Variants in ALS2 observed in about 807,000 individuals in gnomAD.
ALS2 encodes alsin.
ALS2 carries 117 observed loss-of-function variants against 203.4 expected under a neutral mutation model. The observed-to-expected ratio is 0.58, with a 90% CI of 0.50 to 0.67. ALS2 has a LOEUF of 0.67. ALS2 is among the 30% of genes least tolerant of loss of function. The probability of loss-of-function intolerance (pLI) is 0.00; values close to 1 mark genes in which losing one functional copy is unlikely to be tolerated. For synonymous variants in ALS2, 718 were observed against 725.9 expected (o/e 0.99, Z 0.17); for missense variants, 1,715 against 1,989.4 (o/e 0.86, Z 2.62).
Position 201,761,431 on chromosome 2 carries a change from G to A in ALS2, c.563C>T (p.Pro188Leu). ...TTCTACCTTTTGCGGCTTTGTCACT[G>A]GGAAGGCAGTGGTAATGAGACCCAA... is the stretch of plus-strand genomic sequence containing the variant. ...CQLGLITTAF[P>L]VTKPQKVEHL... is the part of the protein sequence containing the mutation. The change falls in exon 4 of 34, where the codon CCA becomes CTA. Residue 188 changes from proline (P) to leucine (L), a missense_variant. By Grantham distance (98) the Pro-to-Leu change is moderately conservative (BLOSUM62 -3). Coordinates refer to ENST00000264276, the MANE Select transcript of ALS2 (RefSeq NM_020919.4). The A allele has an allele frequency of 6.2e-7, 1 of 1,607,796 alleles. No homozygotes were observed. The highest frequency in any genetic ancestry group is 1.1e-5 in the South Asian group (1 of 90,660).
intron 12 of ALS2, among the ~76,000 whole-genome samples, chr2:201,737,298 A>G (rs1483162026): frequency 6.6e-6 from 1 of 152,200 alleles, no homozygotes; most frequent in Non-Finnish European, 1.5e-5. Flanking sequence ...AGGGACTTGA[A>G]CATCCTTGAA....
In ALS2 at chr2:201,707,978, C is replaced by A. The variant is rs1689828377; in HGVS notation, c.4294G>T (p.Glu1432Ter). Residue 1432 changes from glutamate (E) to a stop codon, truncating the protein, a stop_gained, in exon 28 of 34, where the codon GAG becomes TAG. Coordinates refer to ENST00000264276, the MANE Select transcript of ALS2 (RefSeq NM_020919.4). LOFTEE classifies it high-confidence loss of function. ...IFQLVRFLFP[E>*]LPEEGSTIPL... ...ATTGTGCTGCCTTCTTCAGGCAGCT[C>A]AGGAAATAAGAACCTAAGGAAGAAT... The A allele has an allele frequency of 6.2e-7, 1 of 1,612,428 alleles. No individual in the cohort carries two copies. The highest frequency in any genetic ancestry group is 8.5e-7 in the Non-Finnish European group (1 of 1,179,124).
chr2:201,723,224 A>G, intron 22 of ALS2, 104 bp from the exon 23 acceptor site: 2 of 1,380,600 alleles, frequency 1.4e-6, no homozygotes, highest in Non-Finnish European at 2.1e-6. Context: ...TAAAAGAAGG[A>G]AAATAGTACT....
At chr2:201,771,265 T>C (rs959147045) in intron 1 of ALS2, among the ~76,000 whole-genome samples, 10 of 152,140 alleles carry the variant, frequency 6.6e-5, no homozygotes, top group Non-Finnish European at 1.5e-4. Flanking sequence ...CAGGCTGGTC[T>C]CGAACTCCTG....
rs560274791 is a variant in ALS2, at chr2:201,729,513, T to C, written c.2581-330A>G. 7.9e-5 allele frequency among the ~76,000 whole-genome samples: 12 copies of C among 152,278 alleles called. No homozygotes were observed. In the South Asian group the frequency reaches 8.3e-4, roughly 11 times the overall value. On this transcript the variant is annotated intron_variant, in intron 13 of 33. Coordinates refer to ENST00000264276, the MANE Select transcript of ALS2 (RefSeq NM_020919.4). ...ATCCCTTTATTTTTCTTATGTGGAC[T>C]GTATCTATTGATATTTACCATATTA...
At chr2:201,704,977 A>G (rs939266758) in intron 31 of ALS2, among the ~76,000 whole-genome samples, 162 bp downstream of exon 31, 14 of 152,222 alleles carry the variant, frequency 9.2e-5, no homozygotes, top group African/African-American at 3.1e-4. Flanking sequence ...AGATAACCCA[A>G]GGGTCTCATT....
In ALS2 at chr2:201,767,318, G is replaced by A. The variant is rs770370996; in HGVS notation, c.86C>T (p.Pro29Leu). Residue 29 changes from proline (P) to leucine (L), a missense_variant, in exon 3 of 34, where the codon CCC becomes CTC. Transcript: ENST00000264276. The stretch of plus-strand genomic sequence containing the variant: ...GCCTGGCAATCTCTCTGGTGTTATG[G>A]GAAAGGATCCTGCCTGCCAGATATG... ...LVHIWQAGSFPITPERLPGWG... is the reference protein window; with the variant it reads ...LVHIWQAGSFLITPERLPGWG... 1.2e-6 allele frequency: 2 copies of A among 1,613,878 alleles called. No individual in the cohort carries two copies. The highest frequency in any genetic ancestry group is 2.7e-5 in the African/African-American group (2 of 74,864).
chr2:201,725,390 T>G lies in ALS2; in HGVS notation c.3313A>C (p.Lys1105Gln). 5 of 1,614,094 alleles carry G rather than the reference T, an allele frequency of 3.1e-6. No homozygotes were observed. The highest frequency in any genetic ancestry group is 4.2e-6 in the Non-Finnish European group (5 of 1,179,994). ...NKEDHYVGHWKEGKMCGQGVY... is the reference protein window; with the variant it reads ...NKEDHYVGHWQEGKMCGQGVY... ...CCTTGACCGCACATTTTTCCTTCTT[T>G]CCAATGGCCCACATAATGGTCTTCT... The change falls in exon 20 of 34, where the codon AAA (lysine) becomes CAA (glutamine). Residue 1105 changes from lysine to glutamine, a missense_variant. This residue lies in a region of ALS2 where 1,227 missense variants were observed against 1,413.5 expected (regional missense o/e 0.87). Transcript: ENST00000264276.
At position 201,759,355 on chromosome 2, in the gene ALS2, A is replaced by C. The variant is rs912507376; in HGVS notation, c.1113+1526T>G. 3 of 942,924 alleles carry C rather than the reference A, an allele frequency of 3.2e-6. No homozygotes were observed. The Admixed American group carries it at 1.9e-4, about 58-fold the overall frequency. 58.4% of individuals were successfully genotyped at this position (942,924 alleles called of 1,614,324 possible). A position where few individuals can be genotyped will look rare whatever the true frequency, so the allele number is the denominator to read the frequency against. On this transcript the variant is annotated intron_variant, in intron 4 of 33. Transcript: ENST00000264276. ...TCTCAGTTATATCTCGCCAGAAGAGAAAAAACTTGCCCTAAAACAAATAAA... is the reference window on the plus strand; with the variant it reads ...TCTCAGTTATATCTCGCCAGAAGAGCAAAAACTTGCCCTAAAACAAATAAA...
At chr2:201,740,263 G>C (rs1692187380) in intron 11 of ALS2, among the ~76,000 whole-genome samples, 1 of 152,138 alleles carries the variant, frequency 6.6e-6, no homozygotes. Context: ...GCAGGTCAAG[G>C]CTGCAGTGAG....
chr2:201,775,588 A>G (rs997016157), intron 1 of ALS2, among the ~76,000 whole-genome samples: 2 of 152,282 alleles, frequency 1.3e-5, no homozygotes, highest in East Asian at 3.9e-4. Flanking sequence ...ATATCCTGCC[A>G]CTGAAGCCTT....
chr2:201,776,401 C>T (rs925221092), intron 1 of ALS2, among the ~76,000 whole-genome samples: 1 of 152,078 alleles, frequency 6.6e-6, no homozygotes, highest in Non-Finnish European at 1.5e-5. Context: ...AAACATGGTA[C>T]AATAAGTTCC....
At chr2:201,766,417 G>A (rs892961093) in intron 3 of ALS2, among the ~76,000 whole-genome samples, 10 of 151,824 alleles carry the variant, frequency 6.6e-5, no homozygotes, top group African/African-American at 9.7e-5. Flanking sequence ...AGGTCGAGGC[G>A]GGTGGATCAC....
intron 23 of ALS2, among the ~76,000 whole-genome samples, chr2:201,719,513 C>T (rs1308913451): frequency 6.6e-6 from 1 of 152,116 alleles, no homozygotes; most frequent in Non-Finnish European, 1.5e-5. Flanking sequence ...CGCTTGAACC[C>T]AGGAGGTGGA....
Position 201,761,161 on chromosome 2 carries a change from G to A in ALS2, c.833C>T (p.Pro278Leu). 1 of 1,614,186 alleles carries A rather than the reference G, an allele frequency of 6.2e-7. No individual in the cohort carries two copies. Among genetic ancestry groups the A allele is most frequent in the Non-Finnish European group, 8.5e-7 (1 of 1,180,038 alleles). ...CTGCCTGTCAAGGGTTTCAGTGGAG[G>A]GGCTGAGAGCAGTGCTGGCATGGTT... is the stretch of plus-strand genomic sequence containing the variant. The part of the protein sequence containing the change: ...AENHASTALS[P>L]STETLDRQEE... Residue 278 changes from proline (P) to leucine (L), a missense_variant, in exon 4 of 34, where the codon CCC becomes CTC. Pro to Leu is a moderately conservative substitution (Grantham distance 98). Around this residue, in one of 3 missense-constraint regions of ALS2, gnomAD observed 476 missense variants for 539.3 expected, o/e 0.88. Coordinates refer to ENST00000264276, the MANE Select transcript of ALS2 (RefSeq NM_020919.4).
Position 201,746,713 on chromosome 2 carries a change from T to C in ALS2, c.1851A>G (p.Ala617=). 1 of 1,614,168 alleles carries C rather than the reference T, an allele frequency of 6.2e-7. No individual in the cohort carries two copies. Among genetic ancestry groups the C allele is most frequent in the African/African-American group, 1.3e-5 (1 of 75,058 alleles). Residue 617 remains alanine (A), a synonymous_variant, in exon 9 of 34, where the codon GCA becomes GCG. Transcript: ENST00000264276. The part of the protein sequence containing the change: ...SSENGVWSIA[A]GRDYSLFLVD... ...CTAAAAACAGGGAATAATCCCTGCC[T>C]GCAGCTATGCTCCAGACTCCATTTT...
intron 8 of ALS2, 29 bp from the exon 9 acceptor site, chr2:201,746,777 C>T: frequency 1.2e-6 from 2 of 1,612,546 alleles, no homozygotes; most frequent in Non-Finnish European, 1.7e-6. Flanking sequence ...AGTGTCTGTC[C>T]AAGATAAAGG....
At position 201,761,080 on chromosome 2, in the gene ALS2, A is replaced by C. The variant is rs1443533131; in HGVS notation, c.914T>G (p.Leu305Arg). ...TGTGATCTGAGCACTTACTGCATTC[A>C]GTTCAGTAGCAACAGACTGATCATT... ...VANDQSVATE[L>R]NAVSAQITSS... Residue 305 changes from leucine (L) to arginine (R), a missense_variant, in exon 4 of 34, where the codon CTG (leucine) becomes CGG (arginine). This residue lies in a region of ALS2 where 476 missense variants were observed against 539.3 expected (regional missense o/e 0.88). Coordinates refer to ENST00000264276, the MANE Select transcript of ALS2 (RefSeq NM_020919.4). The C allele has an allele frequency of 3.1e-6, 5 of 1,614,088 alleles. No homozygotes were observed. The African/African-American group carries it at 6.7e-5, about 22-fold the overall frequency.
chr2:201,724,562 G>T, intron 20 of ALS2, 103 bp from the exon 21 acceptor site: 2 of 1,152,422 alleles, frequency 1.7e-6, no homozygotes, highest in Non-Finnish European at 2.6e-6. Flanking sequence ...CTCACTGGTA[G>T]CTATAATTAT....
Sources: gnomAD v4.1 joint callset for allele counts (sites outside exome capture counted in the v4.1 genomes callset) on GRCh38, gnomAD v4.1.1 for gene constraint, gnomAD v4.1.1 regional missense constraint, MANE v1.5 for transcripts, NCBI Gene and HGNC (gene_info 2026-07-23, HGNC 2026-07-21) for gene names.